Variants in LDHB observed in about 807,000 individuals in gnomAD.
LDHB encodes the protein lactate dehydrogenase B.
In LDHB, 18 loss-of-function variants were observed where a neutral mutation model predicts 33.4. The observed-to-expected ratio is 0.54, with a 90% CI of 0.37 to 0.80. LDHB has a LOEUF of 0.80. Among genes scored for constraint, LDHB ranks in the 30% least tolerant of loss-of-function variants. The pLI, the probability that LDHB is intolerant of heterozygous loss-of-function variation, is 0.00. For missense variants in LDHB, 345 were observed against 407.9 expected, an observed-to-expected ratio of 0.85 and a Z score of 1.33; for synonymous variants, 121 against 140.6, an observed-to-expected ratio of 0.86 and a Z score of 0.98.
chr12:21,648,715 T>A (rs1182224577), intron 2 of LDHB, among the ~76,000 whole-genome samples: 1 of 152,192 alleles, frequency 6.6e-6, no homozygotes, highest in Non-Finnish European at 1.5e-5. Context: ...GCAAGTCTCC[T>A]CCCTGGAATA....
At chr12:21,655,458 C>T (rs991320426) in intron 1 of LDHB, among the ~76,000 whole-genome samples, 17 of 152,308 alleles carry the variant, frequency 1.1e-4, no homozygotes, top group African/African-American at 3.8e-4. Flanking sequence ...AAGATAGGGA[C>T]TGATTCTTCT....
intron 4 of LDHB, 128 bp from the exon 5 acceptor site, chr12:21,642,253 A>G: frequency 2.9e-6 from 2 of 687,686 alleles, no homozygotes; most frequent in South Asian, 3.4e-5. Context: ...CAGAAAGATT[A>G]AAGTAAATAC....
At position 21,641,086 on chromosome 12, in the gene LDHB, T is replaced by C. The variant is rs149780778; in HGVS notation, c.595+866A>G. Among the ~76,000 whole-genome samples the C allele has an allele frequency of 2.5e-3, 385 of 152,286 alleles. 17 individuals are homozygous for C. In the South Asian group the frequency reaches 0.062, roughly 25 times the overall value. On this transcript the variant is annotated intron_variant, in intron 5 of 7. Transcript: ENST00000350669. ...AATTTATTCAACCACAAATCATTAA[T>C]AGATGCTAAATTTAGCAGAGAAAAA...
chr12:21,645,982 A>G (rs940333210), intron 3 of LDHB, among the ~76,000 whole-genome samples: 1 of 152,230 alleles, frequency 6.6e-6, no homozygotes, highest in Admixed American at 6.5e-5. Context: ...AGATACATAT[A>G]AACAAGGCAT....
chr12:21,644,145 C>A, intron 3 of LDHB, 37 bp from the exon 4 acceptor site: 1 of 1,421,410 alleles, frequency 7.0e-7, no homozygotes. Flanking sequence ...ACTTTAAATG[C>A]AACTCTTCAT....
Position 21,654,528 on chromosome 12 carries a change from G to A in LDHB, c.129+15C>T. On this transcript the variant is annotated intron_variant, in intron 2 of 7. Transcript: ENST00000350669. ...GCTGAACTTCTCTATCATCTATGGT[G>A]TTCTTGAAATGTACCTTTCCCAGAA... The A allele has an allele frequency of 6.2e-7, 1 of 1,613,232 alleles. No individual in the cohort carries two copies.
At chr12:21,647,654 A>C (rs1401198409) in intron 2 of LDHB, among the ~76,000 whole-genome samples, 2 of 152,120 alleles carry the variant, frequency 1.3e-5, no homozygotes, top group East Asian at 3.8e-4. Context: ...AATCTAAAGT[A>C]ATGAATATAC....
chr12:21,656,150 G>T (rs1938837921), intron 1 of LDHB, among the ~76,000 whole-genome samples: 1 of 152,196 alleles, frequency 6.6e-6, no homozygotes, highest in African/African-American at 2.4e-5. Flanking sequence ...TAAAGTAAGA[G>T]TTAGCAGGAC....
chr12:21,638,571 G>C lies in LDHB; in HGVS notation c.596-101C>G, dbSNP rs571516076. On this transcript the variant is annotated intron_variant, in intron 5 of 7. Transcript: ENST00000350669. ...AATTTCACCTATGATGCAAATTACT[G>C]AATACCAACTGGAACTGCTCCAATA... 4.3e-4 allele frequency: 344 copies of C among 800,310 alleles called. 1 individual carries two copies. The East Asian group carries it at 8.8e-3, about 21-fold the overall frequency. The allele number at this position is 800,310 out of a possible 1,614,324, so 49.6% of individuals were successfully genotyped here.
At chr12:21,638,211 A>C in intron 6 of LDHB, 142 bp downstream of exon 6, 1 of 641,216 alleles carries the variant, frequency 1.6e-6, no homozygotes, top group Admixed American at 2.5e-5. Context: ...CCAGTGTAAA[A>C]GTCTTATCAG....
chr12:21,653,798 A>G lies in LDHB; in HGVS notation c.129+745T>C, dbSNP rs1938758937. On this transcript the variant is annotated intron_variant, in intron 2 of 7. Transcript: ENST00000350669. ...TGTAAATCTGAAATCATTTCAAAAT[A>G]AAACCATTAGGTAAAAGTTTCAGGG... 2.6e-5 allele frequency among the ~76,000 whole-genome samples: 4 copies of G among 152,226 alleles called. No individual in the cohort carries two copies. In the South Asian group the frequency reaches 8.3e-4, roughly 32 times the overall value.
At chr12:21,640,064 A>G (rs1203779346) in intron 5 of LDHB, among the ~76,000 whole-genome samples, 1 of 151,870 alleles carries the variant, frequency 6.6e-6, no homozygotes. Context: ...GGTGGCAGAA[A>G]TGAATTTAGT....
Position 21,635,557 on chromosome 12 carries a change from G to A in LDHB, c.990C>T (p.Asp330=). 5 of 1,611,990 alleles carry A rather than the reference G, an allele frequency of 3.1e-6. No homozygotes were observed. The highest frequency in any genetic ancestry group is 2.5e-6 in the Non-Finnish European group (3 of 1,179,730). Residue 330 remains aspartate (D), a synonymous_variant, in exon 8 of 8, where the codon GAC becomes GAT. Transcript: ENST00000350669. ...AGCTCACTAGTCACAGGTCTTTTAG[G>A]TCCTTCTGGATGTCCCACAGGGTAT... is the stretch of plus-strand genomic sequence containing the variant. ...SADTLWDIQK[D]LKDL
rs746055819 is a variant in LDHB at position 21,635,670 on chromosome 12, G to C, written c.877C>G (p.Pro293Ala). The part of the protein sequence containing the change: ...GIENEVFLSL[P>A]CILNARGLTS... ...AATCCCCGGGCATTGAGGATACATG[G>C]AAGGCTCAGGAAGACTTCATTCTCA... The change falls in exon 8 of 8, where the codon CCA becomes GCA. Residue 293 changes from proline to alanine, a missense_variant. Physicochemically the swap from Pro to Ala is conservative, Grantham distance 27. Transcript: ENST00000350669. The C allele has an allele frequency of 5.0e-6, 8 of 1,613,682 alleles. No individual in the cohort carries two copies. Among genetic ancestry groups the C allele is most frequent in the East Asian group, 4.5e-5 (2 of 44,864 alleles).
intron 2 of LDHB, among the ~76,000 whole-genome samples, chr12:21,649,087 A>G (rs1938608057): frequency 6.6e-6 from 1 of 152,258 alleles, no homozygotes; most frequent in South Asian, 2.1e-4. Flanking sequence ...TTAATGCAAC[A>G]TAACTTAATA....
At chr12:21,644,433 AAAAAAAAAAAAAC>A (rs1388618961) in intron 3 of LDHB, among the ~76,000 whole-genome samples, 1 of 140,982 alleles carries the variant, frequency 7.1e-6, no homozygotes, top group African/African-American at 2.6e-5. Context: ...TCAAAAAAAA[AAAAAAAAAAAAAC>A]AAAAACAAAA....
rs1650289 is a variant in LDHB, at chr12:21,638,338, T to C, written c.713+15A>G. The C allele has an allele frequency of 0.99, 1,281,751 of 1,298,656 alleles. 633,733 individuals carry two copies. The highest frequency in any genetic ancestry group is 1 in the East Asian group (43,295 of 43,298). The allele number at this position is 1,298,656 out of a possible 1,614,324, so 80.4% of individuals were successfully genotyped here. On this transcript the variant is annotated intron_variant, in intron 6 of 7. Transcript: ENST00000350669. ...TTGAAATTAATCATCTAAAATCAAG[T>C]TCCCTTTCACTTACCTTTCAACCAC...
At position 21,638,244 on chromosome 12, in the gene LDHB, A is replaced by G. The variant is rs941863008; in HGVS notation, c.713+109T>C. On this transcript the variant is annotated intron_variant, in intron 6 of 7. Transcript: ENST00000350669. ...CAGTTTCAAAAGATAACAGCTGCATAATTACTACATTAAGAGTTTATCTGA... is the reference window on the plus strand; with the variant it reads ...CAGTTTCAAAAGATAACAGCTGCATGATTACTACATTAAGAGTTTATCTGA... The G allele has an allele frequency of 4.1e-5, 30 of 734,394 alleles. No homozygotes were observed. The Admixed American group carries it at 5.4e-4, about 13-fold the overall frequency. The allele number at this position is 734,394 out of a possible 1,614,324, so 45.5% of individuals were successfully genotyped here.
At chr12:21,657,335 T>C (rs1443696225) in intron 1 of LDHB, 1 of 152,130 alleles carries the variant, frequency 6.6e-6, no homozygotes, top group Non-Finnish European at 1.5e-5. Flanking sequence ...TGGCAATATA[T>C]TCAAATATTC....
Sources: gnomAD v4.1 joint callset for allele counts (sites outside exome capture counted in the v4.1 genomes callset) on GRCh38, gnomAD v4.1.1 for gene constraint, MANE v1.5 for transcripts, NCBI Gene and HGNC (gene_info 2026-07-23, HGNC 2026-07-21) for gene names.